Variants in BAZ1B observed in about 807,000 individuals in gnomAD.
The protein encoded by BAZ1B is bromodomain adjacent to zinc finger domain 1B.
A neutral mutation model predicts 153.8 loss-of-function variants in BAZ1B; 22 were observed. The observed-to-expected ratio is 0.14, with a 90% CI of 0.10 to 0.20. The LOEUF (loss-of-function observed/expected upper bound fraction) is 0.20. BAZ1B is among the 10% of genes least tolerant of loss of function. The pLI is 1.00. For missense variants in BAZ1B, 1,325 were observed against 1,799.3 expected (o/e 0.74, Z 4.77); for synonymous variants, 676 against 633.4 (o/e 1.07, Z -1.01).
At position 73,465,387 on chromosome 7, in the gene BAZ1B, A is replaced by G. The variant is rs1427890986; in HGVS notation, c.3071+52T>C. On this transcript the variant is annotated intron_variant, in intron 11 of 19. Transcript: ENST00000339594. ...AGAAAAAAAACCCTCAGATATTTAT[A>G]TCCAATGCTAAAGAGAAGTAAGATG... The G allele has an allele frequency of 4.1e-6, 5 of 1,215,374 alleles. No homozygotes were observed. The African/African-American group carries it at 7.8e-5, about 19-fold the overall frequency. 75.3% of individuals were successfully genotyped at this position (1,215,374 alleles called of 1,614,324 possible). A position where few individuals can be genotyped will look rare whatever the true frequency, so the allele number is the denominator to read the frequency against.
At chr7:73,520,196 G>A (rs1314687064) in intron 1 of BAZ1B, among the ~76,000 whole-genome samples, 1 of 149,192 alleles carries the variant, frequency 6.7e-6, no homozygotes, top group Non-Finnish European at 1.5e-5. Context: ...GTTAACAAGA[G>A]GGAAACTCCG....
Position 73,470,840 on chromosome 7 carries a change from A to G in BAZ1B, c.2594-357T>C, listed in dbSNP as rs1455875472. On this transcript the variant is annotated intron_variant, in intron 7 of 19. Transcript: ENST00000339594. ...AACCTCTGCCTCCTGGGTTCAAGCA[A>G]TTCTCCCGCCTCAGCCTCCTGTGTC... 3.9e-5 allele frequency among the ~76,000 whole-genome samples: 6 copies of G among 152,032 alleles called. 1 individual carries two copies. In the South Asian group the frequency reaches 1.0e-3, roughly 26 times the overall value.
chr7:73,508,225 TA>T, intron 3 of BAZ1B, 101 bp downstream of exon 3: 1 of 1,252,116 alleles, frequency 8.0e-7, no homozygotes, highest in Non-Finnish European at 1.1e-6. Flanking sequence ...AATATAATAC[TA>T]AATATAACAC....
chr7:73,498,106 CCCA>C (rs1216813318), intron 4 of BAZ1B, among the ~76,000 whole-genome samples: 1 of 152,006 alleles, frequency 6.6e-6, no homozygotes, highest in Non-Finnish European at 1.5e-5. Flanking sequence ...ATTATAGGCA[CCCA>C]CCACCACAAG....
At position 73,446,111 on chromosome 7, in the gene BAZ1B, C is replaced by G. The variant is rs191678909; in HGVS notation, c.3844+1153G>C. Among the ~76,000 whole-genome samples the G allele has an allele frequency of 3.1e-3, 466 of 152,220 alleles. 4 individuals are homozygous for G. Among genetic ancestry groups the G allele is most frequent in the Non-Finnish European group, 1.8e-3 (123 of 68,020 alleles). ...GAGGACAGGAGAAGACGGGCAAGCC[C>G]AAATCATTAGGTTTTGGCAGTCTCA... is the stretch of plus-strand genomic sequence containing the variant. On this transcript the variant is annotated intron_variant, in intron 16 of 19. Transcript: ENST00000339594.
intron 4 of BAZ1B, among the ~76,000 whole-genome samples, chr7:73,493,253 G>C (rs146437578): frequency 0.013 from 1,908 of 152,206 alleles, 42 homozygotes; most frequent in African/African-American, 0.044. Flanking sequence ...CTGAGGTCGG[G>C]AGTTCGAGAC....
chr7:73,493,747 T>A (rs1382123390), intron 4 of BAZ1B, among the ~76,000 whole-genome samples: 2 of 147,940 alleles, frequency 1.4e-5, no homozygotes, highest in African/African-American at 5.0e-5. Context: ...GCGGCTAGGG[T>A]AGGATGGCTT....
At chr7:73,447,163 A>T in intron 16 of BAZ1B, 101 bp downstream of exon 16, 1 of 1,599,584 alleles carries the variant, frequency 6.3e-7, no homozygotes, top group Non-Finnish European at 8.5e-7. Flanking sequence ...GAAAAGGAAT[A>T]GGGCAAGCCG....
rs782768713 is a variant in BAZ1B, at chr7:73,442,817, G to T, written c.4002C>A (p.Thr1334=). The change falls in exon 18 of 20, where the codon ACC becomes ACA. Residue 1334 remains threonine, a synonymous_variant. Transcript: ENST00000339594. The part of the protein sequence containing the change: ...DAEVDELVLQ[T]KRSSRRQSLE... ...GGCTTTGCCTCCGGGAGCTCCGCTT[G>T]GTCTGAAGCACCTGGCAGGAAAGAA... 2.0e-5 allele frequency: 32 copies of T among 1,613,012 alleles called. No homozygotes were observed. The highest frequency in any genetic ancestry group is 2.7e-5 in the African/African-American group (2 of 74,866).
chr7:73,484,667 G>GT (rs1156234637), intron 6 of BAZ1B, among the ~76,000 whole-genome samples: 5 of 152,072 alleles, frequency 3.3e-5, no homozygotes, highest in Admixed American at 6.6e-5. Context: ...AATAAAATAT[G>GT]TAATACTATG....
intron 3 of BAZ1B, 21 bp downstream of exon 3, chr7:73,508,297 AAGTCAAATC>A (rs1554578088): frequency 6.2e-7 from 1 of 1,605,686 alleles, no homozygotes; most frequent in Admixed American, 1.7e-5. Flanking sequence ...TTCTGATGGT[AAGTCAAATC>A]AGAAACGAAC....
chr7:73,447,771 A>G (rs1787891970), intron 15 of BAZ1B, among the ~76,000 whole-genome samples: 1 of 152,250 alleles, frequency 6.6e-6, no homozygotes. Context: ...GGTAGACTGA[A>G]AAGAATAAAC....
Position 73,459,527 on chromosome 7 carries a change from A to G in BAZ1B, c.3432+9T>C, listed in dbSNP as rs1554570041. 6.2e-7 allele frequency: 1 copy of G among 1,610,244 alleles called. No individual in the cohort carries two copies. Among genetic ancestry groups the G allele is most frequent in the Non-Finnish European group, 8.5e-7 (1 of 1,178,948 alleles). On this transcript the variant is annotated intron_variant, in intron 13 of 19. Coordinates refer to ENST00000339594, the MANE Select transcript of BAZ1B (RefSeq NM_032408.4). ...GAATCATAAACTACAACTTATAACA[A>G]CAAAATACCTTTGCTTCCTCTACCA...
chr7:73,468,320 C>T (rs186021676), intron 9 of BAZ1B, among the ~76,000 whole-genome samples: 2 of 152,138 alleles, frequency 1.3e-5, no homozygotes, highest in Admixed American at 1.3e-4. Context: ...TCACTGCTAC[C>T]ACCTAGTGGG....
chr7:73,450,955 C>T lies in BAZ1B; in HGVS notation c.3472G>A (p.Glu1158Lys). The T allele has an allele frequency of 6.2e-7, 1 of 1,614,160 alleles. No individual in the cohort carries two copies. The highest frequency in any genetic ancestry group is 8.5e-7 in the Non-Finnish European group (1 of 1,180,042). ...TGCATCCTGGAGAAAGTCTGAGCTT[C>T]CCGGATTGCTGTCTTCCATTTCTCC... ...ALEKWKTAIR[E>K]AQTFSRMHVL... Residue 1158 changes from glutamate (E) to lysine (K), a missense_variant, in exon 14 of 20, where the codon GAA becomes AAA. Coordinates refer to ENST00000339594, the MANE Select transcript of BAZ1B (RefSeq NM_032408.4). The surrounding 1 kb of genome is among the most constrained non-coding windows in gnomAD (Gnocchi z 4.1).
intron 1 of BAZ1B, among the ~76,000 whole-genome samples, chr7:73,519,381 G>C (rs1212792639): frequency 6.6e-6 from 1 of 152,132 alleles, no homozygotes; most frequent in African/African-American, 2.4e-5. Context: ...GCCTAATAAA[G>C]AAATATGCCA....
chr7:73,510,825 G>A lies in BAZ1B; in HGVS notation c.135C>T (p.Tyr45=). The A allele has an allele frequency of 6.2e-7, 1 of 1,614,042 alleles. No homozygotes were observed. Among genetic ancestry groups the A allele is most frequent in the Non-Finnish European group, 8.5e-7 (1 of 1,180,024 alleles). The change falls in exon 2 of 20, where the codon TAC becomes TAT. Residue 45 remains tyrosine (Y), a synonymous_variant. Transcript: ENST00000339594. ...TCTTGCACGTCCAAATGCGCTCACT[G>A]TACCTTTCCAAGCGGGCTTCATACT... ...REEYEARLER[Y]SERIWTCKST... is the part of the protein sequence containing the mutation.
At chr7:73,507,224 C>T (rs942023801) in intron 3 of BAZ1B, 2 of 151,952 alleles carry the variant, frequency 1.3e-5, no homozygotes, top group Non-Finnish European at 2.9e-5. Flanking sequence ...ACTTTGTCAG[C>T]ACATATAATG....
intron 1 of BAZ1B, among the ~76,000 whole-genome samples, chr7:73,518,753 A>G (rs1183363883): frequency 6.6e-6 from 1 of 152,262 alleles, no homozygotes; most frequent in African/African-American, 2.4e-5. Flanking sequence ...ACACTTGTGT[A>G]GAGCCAGATT....
Sources: allele counts gnomAD v4.1 joint callset (sites outside exome capture counted in the v4.1 genomes callset), GRCh38; gene constraint gnomAD v4.1.1; non-coding constraint Gnocchi (gnomAD v3.1); transcripts MANE v1.5; gene names NCBI Gene and HGNC (gene_info 2026-07-23, HGNC 2026-07-21).